SPAG16: variants seen among roughly 807,000 people sequenced by gnomAD.
The protein encoded by SPAG16 is sperm associated antigen 16, also known as sperm-associated antigen 16 protein.
A neutral mutation model predicts 80.4 loss-of-function variants in SPAG16; 86 were observed. The observed-to-expected ratio is 1.07, with a 90% confidence interval of 0.90 to 1.28. The LOEUF is 1.28. SPAG16 is among the 50% of genes most tolerant of loss of function. The probability of loss-of-function intolerance (pLI) is 0.00; values close to 1 mark genes in which losing one functional copy is unlikely to be tolerated. For synonymous variants in SPAG16, 294 were observed against 265.9 expected, an observed-to-expected ratio of 1.11 and a Z score of -1.03; for missense variants, 870 against 765.3, an observed-to-expected ratio of 1.14 and a Z score of -1.61.
chr2:213,999,834 G>C (rs924698170), intron 12 of SPAG16, among the ~76,000 whole-genome samples: 2 of 152,220 alleles, frequency 1.3e-5, no homozygotes, highest in Non-Finnish European at 2.9e-5. Flanking sequence ...AAATTTGACT[G>C]CCTCACTGGA....
chr2:213,830,241 A>G (rs1002650675), intron 10 of SPAG16, among the ~76,000 whole-genome samples: 3 of 152,168 alleles, frequency 2.0e-5, no homozygotes, highest in African/African-American at 7.2e-5. Flanking sequence ...CTCCATGGAC[A>G]TCAACTGAGT....
chr2:213,437,801 C>T (rs1252670411), intron 9 of SPAG16, among the ~76,000 whole-genome samples: 1 of 152,138 alleles, frequency 6.6e-6, no homozygotes, highest in Non-Finnish European at 1.5e-5. Context: ...ATTATTCTTC[C>T]TGCTCTTTCT....
At chr2:214,234,082 C>CA (rs1553535468) in intron 15 of SPAG16, among the ~76,000 whole-genome samples, 1 of 151,802 alleles carries the variant, frequency 6.6e-6, no homozygotes, top group South Asian at 2.1e-4. Context: ...TTTCCCCCCC[C>CA]ATGTGTCCAT....
chr2:214,035,850 C>T (rs1485379818), intron 13 of SPAG16, among the ~76,000 whole-genome samples: 1 of 152,186 alleles, frequency 6.6e-6, no homozygotes, highest in African/African-American at 2.4e-5. Context: ...CCTGTCAACT[C>T]AGAAGGGGAT....
At chr2:213,972,435 G>A (rs2045119710) in intron 12 of SPAG16, among the ~76,000 whole-genome samples, 1 of 152,122 alleles carries the variant, frequency 6.6e-6, no homozygotes, top group Non-Finnish European at 1.5e-5. Context: ...AAACCTGAAG[G>A]CCTGAGAACG....
intron 13 of SPAG16, among the ~76,000 whole-genome samples, chr2:214,106,200 A>G (rs2053374841): frequency 1.3e-5 from 2 of 152,210 alleles, no homozygotes; most frequent in African/African-American, 4.8e-5. Flanking sequence ...GTATACAAGT[A>G]TTAATATTAC....
chr2:213,573,202 T>A (rs2059988989), intron 10 of SPAG16, among the ~76,000 whole-genome samples: 1 of 152,188 alleles, frequency 6.6e-6, no homozygotes, highest in African/African-American at 2.4e-5. Flanking sequence ...GTCTTCTGCG[T>A]CGGTCACGCT....
chr2:213,652,512 C>A (rs1034428759), intron 10 of SPAG16, among the ~76,000 whole-genome samples: 10 of 152,072 alleles, frequency 6.6e-5, no homozygotes, highest in Admixed American at 2.0e-4. Context: ...TTTCCAGCAG[C>A]AAGGTATAAG....
intron 9 of SPAG16, among the ~76,000 whole-genome samples, chr2:213,405,307 G>T (rs2068552331): frequency 6.6e-6 from 1 of 152,064 alleles, no homozygotes; most frequent in African/African-American, 2.4e-5. Flanking sequence ...TTAATCCATG[G>T]AGGAAAATTA....
intron 9 of SPAG16, among the ~76,000 whole-genome samples, chr2:213,382,784 T>C (rs1411163240): frequency 6.6e-6 from 1 of 152,124 alleles, no homozygotes; most frequent in Non-Finnish European, 1.5e-5. Context: ...ATCAGATCCA[T>C]TTAGGGGGAT....
chr2:213,711,504 T>C (rs2065985041), intron 10 of SPAG16, among the ~76,000 whole-genome samples: 2 of 151,600 alleles, frequency 1.3e-5, no homozygotes, highest in African/African-American at 2.4e-5. Context: ...TAATTTTTAT[T>C]TATTTTTTAC....
intron 12 of SPAG16, among the ~76,000 whole-genome samples, chr2:213,956,678 C>G (rs1489108133): frequency 6.6e-6 from 1 of 151,942 alleles, no homozygotes; most frequent in Non-Finnish European, 1.5e-5. Context: ...AAACTCCTGA[C>G]CCCAAGTGAT....
intron 14 of SPAG16, among the ~76,000 whole-genome samples, chr2:214,143,845 T>C (rs1370313104): frequency 6.6e-6 from 1 of 152,094 alleles, no homozygotes; most frequent in Non-Finnish European, 1.5e-5. Flanking sequence ...TTTCAGTACT[T>C]GTACCAGTGA....
chr2:213,456,621 T>C (rs1364624902), intron 9 of SPAG16, among the ~76,000 whole-genome samples: 3 of 152,148 alleles, frequency 2.0e-5, no homozygotes. Flanking sequence ...TCATTTTTTT[T>C]CCTGAGTTGT....
intron 10 of SPAG16, among the ~76,000 whole-genome samples, chr2:213,848,769 T>C (rs1301342648): frequency 6.6e-6 from 1 of 152,190 alleles, no homozygotes; most frequent in African/African-American, 2.4e-5. Flanking sequence ...GCTCTTCAGC[T>C]TCCCCTTGCC....
chr2:214,073,640 T>G (rs2050922150), intron 13 of SPAG16, among the ~76,000 whole-genome samples: 1 of 152,256 alleles, frequency 6.6e-6, no homozygotes, highest in Non-Finnish European at 1.5e-5. Flanking sequence ...ATCTATAAAT[T>G]TAGTGAAATA....
At chr2:214,120,473 G>T (rs1460758955) in intron 14 of SPAG16, among the ~76,000 whole-genome samples, 1 of 151,610 alleles carries the variant, frequency 6.6e-6, no homozygotes, top group East Asian at 1.9e-4. Flanking sequence ...AATTTTGAGT[G>T]GCAGGAATAT....
intron 9 of SPAG16, among the ~76,000 whole-genome samples, chr2:213,455,222 T>C (rs2071929163): frequency 6.6e-6 from 1 of 152,234 alleles, no homozygotes; most frequent in Admixed American, 6.5e-5. Flanking sequence ...TCTGAAGTTT[T>C]ACCTGAGGAA....
intron 13 of SPAG16, among the ~76,000 whole-genome samples, chr2:214,052,054 G>A (rs1449085456): frequency 1.3e-5 from 2 of 152,044 alleles, no homozygotes; most frequent in African/African-American, 4.8e-5. Context: ...ACATTTGAAT[G>A]TGCTATATAA....
Sources: allele counts gnomAD v4.1 joint callset (sites outside exome capture counted in the v4.1 genomes callset), GRCh38; gene constraint gnomAD v4.1.1; transcripts MANE v1.5; gene names NCBI Gene and HGNC (gene_info 2026-07-23, HGNC 2026-07-21).